Variants in ANKHD1 observed in about 807,000 individuals in gnomAD.
ANKHD1 encodes ankyrin repeat and KH domain-containing protein 1.
Under a neutral mutation model 230.5 loss-of-function variants are expected in ANKHD1, and 31 were observed. That is an observed-to-expected ratio of 0.13 (90% CI 0.10 to 0.18). The LOEUF (loss-of-function observed/expected upper bound fraction) is 0.18, where lower values mean the gene tolerates loss of function less well. ANKHD1 is among the 10% of genes least tolerant of loss of function. The pLI is 1.00. For missense variants in ANKHD1, 2,256 were observed against 3,071.3 expected, an observed-to-expected ratio of 0.73 and a Z score of 6.27; for synonymous variants, 1,074 against 1,117.6, an observed-to-expected ratio of 0.96 and a Z score of 0.78.
rs112852920 is a variant in ANKHD1, at chr5:140,436,336, A to G, written c.460+79A>G. 1.7e-4 allele frequency: 215 copies of G among 1,289,806 alleles called. No individual in the cohort carries two copies. In the African/African-American group the frequency reaches 3.1e-3, roughly 19 times the overall value. The allele number at this position is 1,289,806 out of a possible 1,614,324, so 79.9% of individuals were successfully genotyped here. A position where few individuals can be genotyped will look rare whatever the true frequency, so the allele number is the denominator to read the frequency against. On this transcript the variant is annotated intron_variant, in intron 2 of 33. Coordinates refer to ENST00000360839, the MANE Select transcript of ANKHD1 (RefSeq NM_017747.3). ...TACAGTTACATGAGATTATCCCCAAATTCTATAACATTATACAAAATTTAA... is the reference window on the plus strand; with the variant it reads ...TACAGTTACATGAGATTATCCCCAAGTTCTATAACATTATACAAAATTTAA...
chr5:140,502,736 CTCATTGAATGACAACAATTTT>C (rs1167153788), intron 15 of ANKHD1, among the ~76,000 whole-genome samples: 2 of 151,832 alleles, frequency 1.3e-5, no homozygotes, highest in Non-Finnish European at 2.9e-5. Context: ...CTGCTTTTAA[CTCATTGAATGACAACAATTTT>C]TCATTATTAC....
chr5:140,510,309 C>CTTTTTTTT (rs34693244), intron 22 of ANKHD1, 128 bp downstream of exon 22: 11 of 540,010 alleles, frequency 2.0e-5, no homozygotes, highest in African/African-American at 8.0e-5. Flanking sequence ...TCTTTCCATT[C>CTTTTTTTT]TTTTTTTTTT....
chr5:140,533,321 G>A (rs111284169), intron 29 of ANKHD1, among the ~76,000 whole-genome samples: 2,459 of 152,084 alleles, frequency 0.016, 70 homozygotes, highest in African/African-American at 0.056. Context: ...GTGTGGGACC[G>A]GGCACGGTGG....
Position 140,527,280 on chromosome 5 carries a change from C to A in ANKHD1, c.5087+206C>A. On this transcript the variant is annotated intron_variant, in intron 27 of 33. Transcript: ENST00000360839. This position sits in a 1 kb window ranked among gnomAD's most constrained non-coding sequence, Gnocchi z 4.5. ...TTTTATATGACACAAGAAATTTTGG[C>A]TTTTTTGGATAACCTCAGTTGCTTT... is the stretch of plus-strand genomic sequence containing the variant. The A allele has an allele frequency of 1.3e-6, 1 of 756,362 alleles. No homozygotes were observed. The highest frequency in any genetic ancestry group is 1.9e-6 in the Non-Finnish European group (1 of 535,710). 46.9% of individuals were successfully genotyped at this position (756,362 alleles called of 1,614,324 possible).
intron 1 of ANKHD1, among the ~76,000 whole-genome samples, chr5:140,407,778 A>G (rs1002308065): frequency 2.0e-5 from 3 of 152,168 alleles, no homozygotes; most frequent in African/African-American, 7.2e-5. Context: ...TTCTAAAGAA[A>G]AGATTGTGTG....
At chr5:140,482,332 CA>C (rs1281292420) in intron 10 of ANKHD1, among the ~76,000 whole-genome samples, 1 of 152,024 alleles carries the variant, frequency 6.6e-6, no homozygotes, top group Non-Finnish European at 1.5e-5. Flanking sequence ...GGGAACCAAA[CA>C]AAACATTAAT....
At chr5:140,434,142 T>A (rs191305620) in intron 1 of ANKHD1, among the ~76,000 whole-genome samples, 6 of 152,280 alleles carry the variant, frequency 3.9e-5, no homozygotes, top group Admixed American at 3.9e-4. Flanking sequence ...TTATTTGGTG[T>A]CCATTGTGAA....
chr5:140,494,176 T>C (rs1751929446), intron 14 of ANKHD1, among the ~76,000 whole-genome samples: 1 of 152,236 alleles, frequency 6.6e-6, no homozygotes, highest in Non-Finnish European at 1.5e-5. Flanking sequence ...TTGCTATTTG[T>C]GACCATTTAC....
rs754339827 is a variant in ANKHD1, at chr5:140,537,395, C to A, written c.7034C>A (p.Ser2345Tyr). 53 of 1,613,956 alleles carry A rather than the reference C, an allele frequency of 3.3e-5. No individual in the cohort carries two copies. The highest frequency in any genetic ancestry group is 4.2e-5 in the Non-Finnish European group (50 of 1,179,972). The change falls in exon 31 of 34, where the codon TCT becomes TAT. Residue 2345 changes from serine to tyrosine, a missense_variant. Transcript: ENST00000360839. ...TCATCTTCACCTCTTTCAGCCACTTCTGCCCCACCAACGTTGGGCCAACCA... is the reference window on the plus strand; with the variant it reads ...TCATCTTCACCTCTTTCAGCCACTTATGCCCCACCAACGTTGGGCCAACCA... The part of the protein sequence containing the change: ...PWTSASNSST[S>Y]APPTLGQPKG...
intron 10 of ANKHD1, among the ~76,000 whole-genome samples, chr5:140,479,716 T>TGA (rs1213457184): frequency 7.9e-6 from 1 of 126,960 alleles, no homozygotes; most frequent in Non-Finnish European, 1.7e-5. Flanking sequence ...TTGATTCCCA[T>TGA]TATATACATA....
intron 14 of ANKHD1, 53 bp from the exon 15 acceptor site, chr5:140,496,461 CTTTTTT>C: frequency 1.4e-4 from 74 of 510,872 alleles, no homozygotes; most frequent in Middle Eastern, 6.9e-4. Flanking sequence ...TTTTTCTTTT[CTTTTTT>C]TTTTTTTTTT....
rs747537560 is a variant in ANKHD1, at chr5:140,529,631, G to A, written c.6685G>A (p.Gly2229Arg). ...SSQVPANQGW[G>R]DGPLSSRVAT... ...TCAGGTGCCAGCTAACCAGGGCTGG[G>A]GAGATGGTCCACTGTCCTCACGAGT... Residue 2229 changes from glycine to arginine, a missense_variant, in exon 29 of 34, where the codon GGA (glycine) becomes AGA (arginine). Coordinates refer to ENST00000360839, the MANE Select transcript of ANKHD1 (RefSeq NM_017747.3). 9.9e-6 allele frequency: 16 copies of A among 1,614,066 alleles called. No homozygotes were observed. The highest frequency in any genetic ancestry group is 1.3e-5 in the Non-Finnish European group (15 of 1,180,050).
At chr5:140,404,977 G>GTGTGTGTGTATGTC (rs1770305850) in intron 1 of ANKHD1, among the ~76,000 whole-genome samples, 1 of 70,036 alleles carries the variant, frequency 1.4e-5, no homozygotes. Context: ...CTGTGTGTGT[G>GTGTGTGTGTATGTC]TGTGTGTGTG....
At chr5:140,428,800 T>C (rs1379597693) in intron 1 of ANKHD1, among the ~76,000 whole-genome samples, 1 of 152,134 alleles carries the variant, frequency 6.6e-6, no homozygotes, top group Non-Finnish European at 1.5e-5. Context: ...TTATTTTTAT[T>C]GAGACGGAGT....
chr5:140,455,211 G>A (rs1218426584), intron 7 of ANKHD1, among the ~76,000 whole-genome samples: 2 of 152,102 alleles, frequency 1.3e-5, no homozygotes, highest in Non-Finnish European at 2.9e-5. Flanking sequence ...CTGAAATTGA[G>A]GCAATAATTA....
intron 14 of ANKHD1, among the ~76,000 whole-genome samples, chr5:140,489,109 C>CTGGG (rs1751646560): frequency 6.6e-6 from 1 of 151,194 alleles, no homozygotes; most frequent in Non-Finnish European, 1.5e-5. Flanking sequence ...AGGATCACTT[C>CTGGG]AGCCTGGGAG....
chr5:140,467,193 C>G (rs1776156044), intron 10 of ANKHD1, among the ~76,000 whole-genome samples: 1 of 152,008 alleles, frequency 6.6e-6, no homozygotes, highest in African/African-American at 2.4e-5. Flanking sequence ...AGTTGATGAA[C>G]CATACTCGTT....
chr5:140,529,727 A>T lies in ANKHD1; in HGVS notation c.6781A>T (p.Met2261Leu), dbSNP rs529038542. The part of the protein sequence containing the change: ...GNSVLGHLEN[M>L]HPDNSKAPGF... ...CTCAGTGCTTGGACACTTGGAAAACATGCACCCTGATAACTCAAAGGCACC... is the reference window on the plus strand; with the variant it reads ...CTCAGTGCTTGGACACTTGGAAAACTTGCACCCTGATAACTCAAAGGCACC... The change falls in exon 29 of 34, where the codon ATG becomes TTG. Residue 2261 changes from methionine to leucine, a missense_variant. By Grantham distance (15) the Met-to-Leu change is conservative (BLOSUM62 2). Coordinates refer to ENST00000360839, the MANE Select transcript of ANKHD1 (RefSeq NM_017747.3). 9 of 1,614,134 alleles carry T rather than the reference A, an allele frequency of 5.6e-6. No individual in the cohort carries two copies. In the Middle Eastern group the frequency reaches 6.6e-4, roughly 118 times the overall value.
intron 1 of ANKHD1, among the ~76,000 whole-genome samples, chr5:140,430,652 C>CTTT (rs34643827): frequency 3.5e-5 from 4 of 114,704 alleles, no homozygotes; most frequent in African/African-American, 6.2e-5. Context: ...TGGTTTCCAT[C>CTTT]TTTTTTTTTT....
Sources: allele counts gnomAD v4.1 joint callset (sites outside exome capture counted in the v4.1 genomes callset), GRCh38; gene constraint gnomAD v4.1.1; non-coding constraint Gnocchi (gnomAD v3.1); transcripts MANE v1.5; gene names NCBI Gene and HGNC (gene_info 2026-07-23, HGNC 2026-07-21).